The following MPP2 variants were observed in gnomAD, a reference collection of about 807,000 sequenced individuals.
MPP2 encodes the protein MAGUK p55 subfamily member 2.
In MPP2, 42 loss-of-function variants were observed where a neutral mutation model predicts 58.5. The observed-to-expected ratio is 0.72, with a 90% CI of 0.56 to 0.93. The LOEUF (loss-of-function observed/expected upper bound fraction) is 0.93, where lower values mean the gene tolerates loss of function less well. MPP2 is among the 40% of genes least tolerant of loss of function. The pLI, the probability that MPP2 is intolerant of heterozygous loss-of-function variation, is 0.00. For missense variants in MPP2, 632 were observed against 760.4 expected, an observed-to-expected ratio of 0.83 and a Z score of 1.99; for synonymous variants, 300 against 307.8, an observed-to-expected ratio of 0.97 and a Z score of 0.26.
At chr17:43,902,665 G>A (rs113505628) in intron 2 of MPP2, among the ~76,000 whole-genome samples, 330 of 152,296 alleles carry the variant, frequency 2.2e-3, no homozygotes, top group Non-Finnish European at 3.7e-3. Context: ...CGGAGAGGAG[G>A]CACAGAGGAA....
rs746139003 is a variant in MPP2 at position 43,880,824 on chromosome 17, A to G, written c.1017T>C (p.Tyr339=). The G allele has an allele frequency of 3.1e-6, 5 of 1,610,818 alleles. No individual in the cohort carries two copies. In the East Asian group the frequency reaches 1.1e-4, roughly 36 times the overall value. ...ACGGGGGCATGCGGGCCACCTCCTC[A>G]TAAATGAGCAGCTCATGACGGTCAA... ...AEFDRHELLI[Y]EEVARMPPFR... is the part of the protein sequence containing the mutation. The change falls in exon 10 of 13, where the codon TAT becomes TAC. Residue 339 remains tyrosine (Y), a synonymous_variant. Transcript: ENST00000269095. The surrounding 1 kb of genome is among the most constrained non-coding windows in gnomAD (Gnocchi z 5.2).
intron 12 of MPP2, 54 bp from the exon 13 acceptor site, chr17:43,878,037 C>G (rs911439213): frequency 1.3e-6 from 2 of 1,553,642 alleles, no homozygotes; most frequent in Non-Finnish European, 1.7e-6. Context: ...CTCACCCCCA[C>G]TGTCAGAAGG....
At chr17:43,909,593 A>G, upstream of MPP2, 1 of 1,487,604 alleles carries the variant, frequency 6.7e-7, no homozygotes, top group Admixed American at 2.3e-5. Context: ...TCCTCAGGAC[A>G]GTCTGGGATC....
At position 43,881,628 on chromosome 17, in the gene MPP2, AGCAGAAG is replaced by A. The variant is rs1486746504; in HGVS notation, c.682-46_682-40del. 2.5e-6 allele frequency: 4 copies of A among 1,604,190 alleles called. No individual in the cohort carries two copies. In the Admixed American group the frequency reaches 6.8e-5, roughly 27 times the overall value. ...TCAGCAAAGGGTCGGGGGAAGGGTC[AGCAGAAG>A]GCTGCAGGTGGAGGTCTACCCCATG... On this transcript the variant is annotated intron_variant, in intron 6 of 12. Coordinates refer to ENST00000269095, the MANE Select transcript of MPP2 (RefSeq NM_005374.5).
chr17:43,881,606 G>C lies in MPP2; in HGVS notation c.682-17C>G. 6.2e-7 allele frequency: 1 copy of C among 1,611,508 alleles called. No individual in the cohort carries two copies. Among genetic ancestry groups the C allele is most frequent in the Non-Finnish European group, 8.5e-7 (1 of 1,178,678 alleles). ...CACAAATACCTGGGCCCAGGAATCAGCAAAGGGTCGGGGGAAGGGTCAGCA... is the reference window on the plus strand; with the variant it reads ...CACAAATACCTGGGCCCAGGAATCACCAAAGGGTCGGGGGAAGGGTCAGCA... On this transcript the variant is annotated splice_polypyrimidine_tract_variant and intron_variant, in intron 6 of 12. Transcript: ENST00000269095.
At chr17:43,902,471 G>A (rs908942940) in intron 2 of MPP2, among the ~76,000 whole-genome samples, 2 of 152,208 alleles carry the variant, frequency 1.3e-5, no homozygotes, top group Non-Finnish European at 2.9e-5. Flanking sequence ...GTGGGGCCTA[G>A]GCAGGCTGAA....
intron 3 of MPP2, among the ~76,000 whole-genome samples, chr17:43,889,847 C>G (rs184652186): frequency 0.013 from 1,916 of 143,244 alleles, 51 homozygotes; most frequent in African/African-American, 0.049. Context: ...GAGTCTCACT[C>G]TGTTGCCCAG....
intron 3 of MPP2, among the ~76,000 whole-genome samples, chr17:43,888,000 T>C (rs2047443993): frequency 6.6e-6 from 1 of 152,100 alleles, no homozygotes; most frequent in Non-Finnish European, 1.5e-5. Context: ...GCATGACTTG[T>C]TGAATGTTGA....
At chr17:43,907,726 G>A, upstream of MPP2, 2 of 985,526 alleles carry the variant, frequency 2.0e-6, no homozygotes, top group Non-Finnish European at 2.4e-6. Flanking sequence ...ACGACGCCCT[G>A]CTGGAGTCCC....
At chr17:43,887,383 CA>C (rs1220196847) in intron 3 of MPP2, among the ~76,000 whole-genome samples, 2 of 151,914 alleles carry the variant, frequency 1.3e-5, no homozygotes, top group East Asian at 3.9e-4. Context: ...GACCCTGGCT[CA>C]AAAAACAAAT....
chr17:43,892,827 A>G (rs960707786), intron 3 of MPP2, among the ~76,000 whole-genome samples: 7 of 152,186 alleles, frequency 4.6e-5, no homozygotes, highest in African/African-American at 1.2e-4. Flanking sequence ...TTCATTTTCA[A>G]TTAGGCTTTA....
chr17:43,883,261 G>C lies in MPP2; in HGVS notation c.245C>G (p.Ala82Gly), dbSNP rs777194892. 1 of 1,611,820 alleles carries C rather than the reference G, an allele frequency of 6.2e-7. No individual in the cohort carries two copies. The highest frequency in any genetic ancestry group is 8.5e-7 in the Non-Finnish European group (1 of 1,179,298). ...QEILRDLAQLAEQSSTAAELA... is the reference protein window; with the variant it reads ...QEILRDLAQLGEQSSTAAELA... Reference sequence around the variant, plus strand: ...CTCGGCGGCTGTGCTGCTCTGCTCAGCCAGCTGCGCCAGGTCCCGCAGGAT... The same window carrying C: ...CTCGGCGGCTGTGCTGCTCTGCTCACCCAGCTGCGCCAGGTCCCGCAGGAT... The change falls in exon 4 of 13, where the codon GCT becomes GGT. Residue 82 changes from alanine to glycine, a missense_variant. Ala to Gly is a moderately conservative substitution (Grantham distance 60). Coordinates refer to ENST00000269095, the MANE Select transcript of MPP2 (RefSeq NM_005374.5).
Position 43,879,309 on chromosome 17 carries a change from G to C in MPP2, c.1448C>G (p.Ala483Gly). ...CTTGGTGGATATTCCACTCTCCAGC[G>C]CAGCCCTGTTCATGGCCCGCAGGGT... ...FETLRAMNRA[A>G]LESGISTKQL... Residue 483 changes from alanine (A) to glycine (G), a missense_variant, in exon 12 of 13, where the codon GCG (alanine) becomes GGG (glycine). Ala to Gly is a moderately conservative substitution (Grantham distance 60). Coordinates refer to ENST00000269095, the MANE Select transcript of MPP2 (RefSeq NM_005374.5). The surrounding 1 kb of genome is among the most constrained non-coding windows in gnomAD (Gnocchi z 4.1). 1.2e-6 allele frequency: 2 copies of C among 1,614,060 alleles called. No homozygotes were observed. The highest frequency in any genetic ancestry group is 2.7e-5 in the African/African-American group (2 of 75,010).
chr17:43,882,197 G>A, intron 6 of MPP2, 87 bp downstream of exon 6: 1 of 1,268,828 alleles, frequency 7.9e-7, no homozygotes, highest in Non-Finnish European at 1.1e-6. Context: ...GAAACCAGTA[G>A]GAGAGGAGGG....
chr17:43,885,447 G>A (rs2047326330), intron 3 of MPP2, among the ~76,000 whole-genome samples: 2 of 152,218 alleles, frequency 1.3e-5, no homozygotes, highest in South Asian at 4.1e-4. Flanking sequence ...GCAGGAGATA[G>A]TATTTAGAAA....
rs1050728334 is a variant in MPP2, at chr17:43,875,810, G to C, written c.*1997C>G. On this transcript the variant is annotated 3_prime_UTR_variant, in exon 13 of 13. Transcript: ENST00000269095. The stretch of plus-strand genomic sequence containing the variant: ...AGGTACCCAACCCATCTCCATCAGA[G>C]ATGATGGTCATTTGGATCAAGGGGG... 6.6e-6 allele frequency: 1 copy of C among 152,224 alleles called. No individual in the cohort carries two copies. The highest frequency in any genetic ancestry group is 2.4e-5 in the African/African-American group (1 of 41,446). 9.4% of individuals were successfully genotyped at this position (152,224 alleles called of 1,614,324 possible).
intron 2 of MPP2, among the ~76,000 whole-genome samples, chr17:43,902,501 G>A (rs1567905379): frequency 6.6e-6 from 1 of 152,190 alleles, no homozygotes; most frequent in Non-Finnish European, 1.5e-5. Flanking sequence ...GAGACCCCAG[G>A]GAGCCCAGCA....
chr17:43,898,299 C>T lies in MPP2; in HGVS notation c.113G>A (p.Gly38Asp), dbSNP rs2047936000. 5 of 1,614,216 alleles carry T rather than the reference C, an allele frequency of 3.1e-6. No individual in the cohort carries two copies. Among genetic ancestry groups the T allele is most frequent in the Non-Finnish European group, 4.2e-6 (5 of 1,180,026 alleles). Residue 38 changes from glycine to aspartate, a missense_variant, in exon 3 of 13, where the codon GGC (glycine) becomes GAC (aspartate). Coordinates refer to ENST00000269095, the MANE Select transcript of MPP2 (RefSeq NM_005374.5). ...AAELDLIFLR[G>D]IMESPIVRSL... ...TCTTACTATGGGACTTTCCATAATG[C>T]CTCGAAGGAAGATCAGGTCCAGCTC...
At position 43,883,250 on chromosome 17, in the gene MPP2, T is replaced by C. The variant is rs748027475; in HGVS notation, c.256A>G (p.Ser86Gly). ...RDLAQLAEQS[S>G]TAAELAHILQ... is the part of the protein sequence containing the mutation. ...ATGTGGGCCAGCTCGGCGGCTGTGC[T>C]GCTCTGCTCAGCCAGCTGCGCCAGG... is the stretch of plus-strand genomic sequence containing the variant. The change falls in exon 4 of 13, where the codon AGC (serine) becomes GGC (glycine). Residue 86 changes from serine (S) to glycine (G), a missense_variant. Transcript: ENST00000269095. The C allele has an allele frequency of 4.6e-5, 74 of 1,610,882 alleles. No individual in the cohort carries two copies. Among genetic ancestry groups the C allele is most frequent in the Non-Finnish European group, 5.9e-5 (69 of 1,178,894 alleles).
Sources: allele counts gnomAD v4.1 joint callset (sites outside exome capture counted in the v4.1 genomes callset), GRCh38; gene constraint gnomAD v4.1.1; non-coding constraint Gnocchi (gnomAD v3.1); transcripts MANE v1.5; gene names NCBI Gene and HGNC (gene_info 2026-07-23, HGNC 2026-07-21).